SULF1: variants seen among roughly 807,000 people sequenced by gnomAD.
SULF1 encodes extracellular sulfatase Sulf-1.
Under a neutral mutation model 110.5 loss-of-function variants are expected in SULF1, and 46 were observed. That is an observed-to-expected ratio of 0.42 (90% CI 0.33 to 0.53). SULF1 has a LOEUF of 0.53. SULF1 is among the 20% of genes least tolerant of loss of function. The probability of loss-of-function intolerance (pLI) is 0.12; values close to 1 mark genes in which losing one functional copy is unlikely to be tolerated. For missense variants in SULF1, 941 were observed against 1,094.2 expected (o/e 0.86, Z 1.98); for synonymous variants, 371 against 387.1 (o/e 0.96, Z 0.49).
At chr8:69,533,589 C>T (rs60096028) in intron 3 of SULF1, among the ~76,000 whole-genome samples, 3,177 of 152,144 alleles carry the variant, frequency 0.021, 108 homozygotes, top group African/African-American at 0.073. Flanking sequence ...GATCTCATTC[C>T]GTTTTATGGC....
At chr8:69,596,413 C>A (rs913561611) in intron 8 of SULF1, among the ~76,000 whole-genome samples, 4 of 152,072 alleles carry the variant, frequency 2.6e-5, no homozygotes, top group Non-Finnish European at 5.9e-5. Context: ...GTGTTATCTA[C>A]CTTTTCATGG....
chr8:69,517,851 G>A (rs1188562278), intron 3 of SULF1, among the ~76,000 whole-genome samples: 1 of 152,160 alleles, frequency 6.6e-6, no homozygotes, highest in Non-Finnish European at 1.5e-5. Flanking sequence ...TAACACTGAT[G>A]AAAGAGGAAG....
At chr8:69,634,548 C>T (rs1048653389) in intron 19 of SULF1, among the ~76,000 whole-genome samples, 2 of 152,098 alleles carry the variant, frequency 1.3e-5, no homozygotes, top group Admixed American at 6.5e-5. Flanking sequence ...GCAGGTGGAT[C>T]GCTTGAGCCC....
At chr8:69,654,730 G>A (rs1812589677) in intron 22 of SULF1, among the ~76,000 whole-genome samples, 1 of 152,154 alleles carries the variant, frequency 6.6e-6, no homozygotes, top group Non-Finnish European at 1.5e-5. Flanking sequence ...TGTCCAGTGG[G>A]GGACACTCCC....
chr8:69,527,505 CAG>C (rs1267451464), intron 3 of SULF1, among the ~76,000 whole-genome samples: 2 of 152,050 alleles, frequency 1.3e-5, no homozygotes, highest in African/African-American at 2.4e-5. Flanking sequence ...TGCTCAAAGA[CAG>C]AGGATGGTGG....
At chr8:69,544,675 T>C (rs1335610433) in intron 3 of SULF1, among the ~76,000 whole-genome samples, 1 of 152,196 alleles carries the variant, frequency 6.6e-6, no homozygotes, top group Non-Finnish European at 1.5e-5. Flanking sequence ...AAAATAAAAG[T>C]CCTATTTGCA....
chr8:69,506,570 G>C (rs959132844), intron 3 of SULF1, among the ~76,000 whole-genome samples: 1 of 152,164 alleles, frequency 6.6e-6, no homozygotes, highest in African/African-American at 2.4e-5. Context: ...GCCATCTTTT[G>C]CAGGCTCCTC....
intron 3 of SULF1, among the ~76,000 whole-genome samples, chr8:69,546,521 T>C (rs1218059946): frequency 6.6e-6 from 1 of 152,192 alleles, no homozygotes; most frequent in Non-Finnish European, 1.5e-5. Flanking sequence ...AAAGCAGTCC[T>C]TTTCTATTTA....
At chr8:69,657,605 G>T (rs1241516464) in intron 22 of SULF1, among the ~76,000 whole-genome samples, 1 of 152,156 alleles carries the variant, frequency 6.6e-6, no homozygotes, top group African/African-American at 2.4e-5. Context: ...CTGGGATTTG[G>T]TGTCAACGTT....
intron 19 of SULF1, among the ~76,000 whole-genome samples, chr8:69,634,238 G>A (rs1347154523): frequency 1.3e-5 from 2 of 151,980 alleles, no homozygotes; most frequent in African/African-American, 4.8e-5. Flanking sequence ...TTTGAAATAA[G>A]CATATGTAGT....
Position 69,516,523 on chromosome 8 carries a change from G to T in SULF1, c.-134+14555G>T, listed in dbSNP as rs1210574324. Among the ~76,000 whole-genome samples the T allele has an allele frequency of 3.9e-5, 6 of 152,198 alleles. No individual in the cohort carries two copies. The South Asian group carries it at 1.2e-3, about 32-fold the overall frequency. ...AGGATCACAATTCAACATAAGATTT[G>T]GGTGGGGTCAAAGAGTCAAACCATA... On this transcript the variant is annotated intron_variant, in intron 3 of 22. Transcript: ENST00000402687.
intron 3 of SULF1, among the ~76,000 whole-genome samples, chr8:69,515,426 T>G (rs1003839151): frequency 6.6e-6 from 1 of 152,158 alleles, no homozygotes; most frequent in Non-Finnish European, 1.5e-5. Context: ...CAGGGCTGCA[T>G]AGAACAGTGG....
At chr8:69,497,527 T>C (rs1810451783) in intron 2 of SULF1, among the ~76,000 whole-genome samples, 1 of 152,112 alleles carries the variant, frequency 6.6e-6, no homozygotes, top group Non-Finnish European at 1.5e-5. Flanking sequence ...ATAGGAAAAA[T>C]GAACATTTAC....
In SULF1 at chr8:69,586,107, G is replaced by C. The variant is rs148059764; in HGVS notation, c.413-250G>C. 3.2e-3 allele frequency among the ~76,000 whole-genome samples: 487 copies of C among 152,276 alleles called. 2 individuals carry two copies. The highest frequency in any genetic ancestry group is 0.011 in the African/African-American group (441 of 41,554). On this transcript the variant is annotated intron_variant, in intron 6 of 22. Coordinates refer to ENST00000402687, the MANE Select transcript of SULF1 (RefSeq NM_001128205.2). ...GAAATGAATGCACCCAGAGTGCTGT[G>C]ATCATTATGATGGTTTCATTGAGCT...
At chr8:69,579,011 A>AT (rs1563549666) in intron 6 of SULF1, among the ~76,000 whole-genome samples, 1 of 151,936 alleles carries the variant, frequency 6.6e-6, no homozygotes, top group Non-Finnish European at 1.5e-5. Flanking sequence ...AATAGAAAAA[A>AT]TTAGCCAGGC....
intron 3 of SULF1, among the ~76,000 whole-genome samples, chr8:69,539,059 C>T (rs1813676720): frequency 6.6e-6 from 1 of 152,148 alleles, no homozygotes; most frequent in South Asian, 2.1e-4. Context: ...GTCTAGTGTC[C>T]AGGGCTGCCT....
At chr8:69,602,234 T>C (rs1030581641) in intron 10 of SULF1, among the ~76,000 whole-genome samples, 3 of 152,166 alleles carry the variant, frequency 2.0e-5, no homozygotes, top group African/African-American at 7.2e-5. Flanking sequence ...TTTTAAAAGA[T>C]AAATTTTGAA....
intron 22 of SULF1, among the ~76,000 whole-genome samples, chr8:69,654,111 A>T (rs968392156): frequency 6.6e-5 from 10 of 152,174 alleles, no homozygotes; most frequent in Non-Finnish European, 1.5e-4. Context: ...GGTATAATGG[A>T]GCTAAGAGAC....
intron 3 of SULF1, among the ~76,000 whole-genome samples, chr8:69,525,732 G>T (rs760278530): frequency 2.6e-5 from 4 of 152,110 alleles, no homozygotes; most frequent in Non-Finnish European, 5.9e-5. Flanking sequence ...ACATGTGCAG[G>T]ATATTGTCTA....
Sources: gnomAD v4.1 joint callset for allele counts (sites outside exome capture counted in the v4.1 genomes callset) on GRCh38, gnomAD v4.1.1 for gene constraint, MANE v1.5 for transcripts, NCBI Gene and HGNC (gene_info 2026-07-23, HGNC 2026-07-21) for gene names.